TCERG1L: variants seen among roughly 807,000 people sequenced by gnomAD.
TCERG1L encodes the protein transcription elongation regulator 1 like.
TCERG1L carries 37 observed loss-of-function variants against 56.3 expected under a neutral mutation model. That is an observed-to-expected ratio of 0.66 (90% CI 0.51 to 0.87). The LOEUF (loss-of-function observed/expected upper bound fraction) is 0.87, where lower values mean the gene tolerates loss of function less well. TCERG1L is among the 40% of genes least tolerant of loss of function. The probability of loss-of-function intolerance (pLI) is 0.00; values close to 1 mark genes in which losing one functional copy is unlikely to be tolerated. For missense variants in TCERG1L, 799 were observed against 774.2 expected (o/e 1.03, Z -0.38); for synonymous variants, 324 against 326.3 (o/e 0.99, Z 0.08).
chr10:131,279,807 G>A (rs1846432317), intron 3 of TCERG1L, among the ~76,000 whole-genome samples: 1 of 152,100 alleles, frequency 6.6e-6, no homozygotes, highest in Non-Finnish European at 1.5e-5. Flanking sequence ...CGGATGCTGA[G>A]ACACCCATAG....
rs190748179 is a variant in TCERG1L, at chr10:131,189,500, G to A, written c.857-22615C>T. Among the ~76,000 whole-genome samples the A allele has an allele frequency of 2.4e-3, 361 of 152,282 alleles. 1 individual carries two copies. Among genetic ancestry groups the A allele is most frequent in the African/African-American group, 8.3e-3 (343 of 41,552 alleles). The stretch of plus-strand genomic sequence containing the variant: ...CAGTTCCATCAATGTTGCTTTGAAA[G>A]ACATGATTTTATTATTTTTTATGGC... On this transcript the variant is annotated intron_variant, in intron 4 of 11. Coordinates refer to ENST00000368642, the MANE Select transcript of TCERG1L (RefSeq NM_174937.4).
chr10:131,247,704 T>A (rs1376640877), intron 4 of TCERG1L, among the ~76,000 whole-genome samples: 1 of 152,154 alleles, frequency 6.6e-6, no homozygotes, highest in African/African-American at 2.4e-5. Context: ...CCATCATCCA[T>A]CCTTGATCAA....
At chr10:131,132,260 C>A (rs1035482015) in intron 8 of TCERG1L, among the ~76,000 whole-genome samples, 2 of 152,186 alleles carry the variant, frequency 1.3e-5, no homozygotes, top group African/African-American at 4.8e-5. Context: ...GGGGCCCCAG[C>A]CTCCCCGAGA....
At chr10:131,119,670 T>C (rs926425463) in intron 8 of TCERG1L, among the ~76,000 whole-genome samples, 3 of 152,204 alleles carry the variant, frequency 2.0e-5, no homozygotes, top group African/African-American at 4.8e-5. Flanking sequence ...CAAAAGCAAA[T>C]GCAAACTAGC....
chr10:131,287,301 A>G (rs757986460), intron 3 of TCERG1L, among the ~76,000 whole-genome samples: 7 of 152,202 alleles, frequency 4.6e-5, no homozygotes, highest in Non-Finnish European at 7.3e-5. Context: ...TCTCAACACT[A>G]ACACAGTGAT....
intron 3 of TCERG1L, among the ~76,000 whole-genome samples, chr10:131,288,995 C>T (rs979157405): frequency 1.3e-5 from 2 of 152,222 alleles, no homozygotes; most frequent in African/African-American, 2.4e-5. Context: ...GCCCTAGACA[C>T]GGAATCCACT....
intron 7 of TCERG1L, among the ~76,000 whole-genome samples, chr10:131,145,573 A>C (rs1034334011): frequency 2.0e-5 from 3 of 152,250 alleles, no homozygotes; most frequent in Non-Finnish European, 2.9e-5. Context: ...AATGCTGATA[A>C]AACTTTTATA....
chr10:131,264,218 G>T (rs1346559877), intron 3 of TCERG1L, among the ~76,000 whole-genome samples: 1 of 151,986 alleles, frequency 6.6e-6, no homozygotes, highest in Non-Finnish European at 1.5e-5. Flanking sequence ...CATCCCTGAA[G>T]CTCCTCCTAC....
chr10:131,214,985 C>T (rs1845654582), intron 4 of TCERG1L, among the ~76,000 whole-genome samples: 2 of 152,230 alleles, frequency 1.3e-5, no homozygotes. Flanking sequence ...TTTCTGCCCT[C>T]ACTCACAGGC....
At chr10:131,255,677 A>C (rs1469814137) in intron 4 of TCERG1L, among the ~76,000 whole-genome samples, 1 of 152,254 alleles carries the variant, frequency 6.6e-6, no homozygotes, top group Non-Finnish European at 1.5e-5. Context: ...GAGATGGCTA[A>C]CGGCTAACGT....
intron 3 of TCERG1L, among the ~76,000 whole-genome samples, chr10:131,268,368 C>G (rs1294511943): frequency 2.6e-5 from 4 of 152,252 alleles, no homozygotes; most frequent in African/African-American, 9.6e-5. Flanking sequence ...CCAGGCTTTG[C>G]TGTTCCATTT....
rs544841958 is a variant in TCERG1L, at chr10:131,228,036, G to A, written c.856+32223C>T. ...TCCTCCTTGCCCAGCCCCCCTCTCCGTGCTGTGTTTTCTCAGTGGCATTGC... is the reference window on the plus strand; with the variant it reads ...TCCTCCTTGCCCAGCCCCCCTCTCCATGCTGTGTTTTCTCAGTGGCATTGC... On this transcript the variant is annotated intron_variant, in intron 4 of 11. Transcript: ENST00000368642. 6.2e-4 allele frequency among the ~76,000 whole-genome samples: 88 copies of A among 140,994 alleles called. 1 individual carries two copies. Among genetic ancestry groups the A allele is most frequent in the Admixed American group, 2.1e-3 (27 of 13,156 alleles). 92.5% of individuals were successfully genotyped at this position (140,994 alleles called of 152,430 possible). A position where few individuals can be genotyped will look rare whatever the true frequency, so the allele number is the denominator to read the frequency against.
chr10:131,148,914 C>T (rs1451815425), intron 6 of TCERG1L, among the ~76,000 whole-genome samples: 1 of 152,236 alleles, frequency 6.6e-6, no homozygotes, highest in African/African-American at 2.4e-5. Flanking sequence ...GCGACTCTGT[C>T]CTGAGCACCA....
At chr10:131,188,621 T>C (rs1445919648) in intron 4 of TCERG1L, among the ~76,000 whole-genome samples, 1 of 152,248 alleles carries the variant, frequency 6.6e-6, no homozygotes, top group East Asian at 1.9e-4. Flanking sequence ...AATTTAAAGA[T>C]GTTTTGTACA....
intron 4 of TCERG1L, among the ~76,000 whole-genome samples, chr10:131,197,427 C>T (rs1178555123): frequency 1.3e-5 from 2 of 152,162 alleles, no homozygotes; most frequent in African/African-American, 2.4e-5. Flanking sequence ...CCTGGTGATC[C>T]TCCTGCCTCG....
At chr10:131,146,458 C>A in intron 7 of TCERG1L, 48 bp downstream of exon 7, 1 of 1,460,422 alleles carries the variant, frequency 6.8e-7, no homozygotes, top group Non-Finnish European at 9.1e-7. Context: ...TAGAAATAAG[C>A]AGCTTAAACA....
At chr10:131,213,697 G>A (rs1446116684) in intron 4 of TCERG1L, among the ~76,000 whole-genome samples, 1 of 152,234 alleles carries the variant, frequency 6.6e-6, no homozygotes, top group African/African-American at 2.4e-5. Flanking sequence ...GCAGGCACAA[G>A]GAGGGCCTCT....
intron 8 of TCERG1L, among the ~76,000 whole-genome samples, chr10:131,134,129 G>A (rs1260402511): frequency 6.6e-6 from 1 of 152,160 alleles, no homozygotes; most frequent in Non-Finnish European, 1.5e-5. Flanking sequence ...CTGAGCATGT[G>A]GGCGCCTGGG....
intron 3 of TCERG1L, among the ~76,000 whole-genome samples, chr10:131,293,341 T>C (rs1398594632): frequency 3.9e-5 from 6 of 152,156 alleles, no homozygotes; most frequent in Admixed American, 3.9e-4. Flanking sequence ...ACTGTGACAG[T>C]GCAGGAGTAT....
Sources: allele counts gnomAD v4.1 joint callset (sites outside exome capture counted in the v4.1 genomes callset), GRCh38; gene constraint gnomAD v4.1.1; transcripts MANE v1.5; gene names NCBI Gene and HGNC (gene_info 2026-07-23, HGNC 2026-07-21).